The following PINK1 variants were observed in gnomAD, a reference collection of about 807,000 sequenced individuals.
PINK1 encodes the protein PTEN induced kinase 1.
Under a neutral mutation model 56.0 loss-of-function variants are expected in PINK1, and 58 were observed. That is an observed-to-expected ratio of 1.04 (90% CI 0.84 to 1.29). The LOEUF is 1.29. Ranked by LOEUF, PINK1 falls within the 50% of genes most tolerant of loss-of-function variation. PINK1 has a pLI of 0.00. For synonymous variants in PINK1, 354 were observed against 339.3 expected, an observed-to-expected ratio of 1.04 and a Z score of -0.48; for missense variants, 745 against 777.9, an observed-to-expected ratio of 0.96 and a Z score of 0.50.
chr1:20,634,009 GC>G, intron 1 of PINK1, 74 bp downstream of exon 1: 9 of 1,487,988 alleles, frequency 6.0e-6, no homozygotes, highest in Admixed American at 4.0e-5. Context: ...CTGGGTGGGG[GC>G]GGGGCTAGGT....
chr1:20,633,825 G>T lies in PINK1; in HGVS notation c.277G>T (p.Ala93Ser). The T allele has an allele frequency of 1.3e-6, 2 of 1,576,602 alleles. No homozygotes were observed. The highest frequency in any genetic ancestry group is 2.3e-5 in the South Asian group (2 of 86,810). Reference protein sequence around the residue: ...RQFVVRAWGCAGPCGRAVFLA... With the variant: ...RQFVVRAWGCSGPCGRAVFLA... Reference sequence around the variant, plus strand: ...GTTCGTGGTGCGGGCCTGGGGCTGCGCGGGCCCTTGCGGCCGGGCAGTCTT... The same window carrying T: ...GTTCGTGGTGCGGGCCTGGGGCTGCTCGGGCCCTTGCGGCCGGGCAGTCTT... Residue 93 changes from alanine to serine, a missense_variant, in exon 1 of 8, where the codon GCG becomes TCG. Transcript: ENST00000321556.
At position 20,649,055 on chromosome 1, in the gene PINK1, G is replaced by T; in HGVS notation, c.1312G>T (p.Ala438Ser). 6.2e-7 allele frequency: 1 copy of T among 1,614,182 alleles called. No homozygotes were observed. Among genetic ancestry groups the T allele is most frequent in the Non-Finnish European group, 8.5e-7 (1 of 1,180,046 alleles). Reference protein sequence around the residue: ...VIDYSKADAWAVGAIAYEIFG... With the variant: ...VIDYSKADAWSVGAIAYEIFG... ...TGACTACAGCAAGGCTGATGCCTGG[G>T]CAGTGGGAGCCATCGCCTATGAAAT... is the stretch of plus-strand genomic sequence containing the variant. The change falls in exon 7 of 8, where the codon GCA (alanine) becomes TCA (serine). Residue 438 changes from alanine to serine, a missense_variant. By Grantham distance (99) the Ala-to-Ser change is moderately conservative. Coordinates refer to ENST00000321556, the MANE Select transcript of PINK1 (RefSeq NM_032409.3).
intron 3 of PINK1, 52 bp downstream of exon 3, chr1:20,640,044 C>A (rs1343023146): frequency 6.9e-7 from 1 of 1,442,912 alleles, no homozygotes; most frequent in Non-Finnish European, 9.5e-7. Context: ...AGAGCAACTT[C>A]ATCCATCACT....
intron 3 of PINK1, among the ~76,000 whole-genome samples, chr1:20,640,402 A>G (rs1038440335): frequency 1.3e-5 from 2 of 151,968 alleles, no homozygotes; most frequent in African/African-American, 4.8e-5. Context: ...GATTTTAAAA[A>G]AAACAAAAAG....
At chr1:20,648,385 A>G (rs1194584367) in intron 5 of PINK1, 120 bp from the exon 6 acceptor site, 4 of 1,481,918 alleles carry the variant, frequency 2.7e-6, no homozygotes, top group Non-Finnish European at 3.7e-6. Context: ...CTCCTGGGCC[A>G]ACACTGAGCC....
In PINK1 at chr1:20,641,285, C is replaced by T. The variant is rs1294615137; in HGVS notation, c.776+1293C>T. 6.6e-6 allele frequency among the ~76,000 whole-genome samples: 1 copy of T among 152,068 alleles called. No individual in the cohort carries two copies. The highest frequency in any genetic ancestry group is 6.6e-5 in the Admixed American group (1 of 15,258). On this transcript the variant is annotated intron_variant, in intron 3 of 7. Coordinates refer to ENST00000321556, the MANE Select transcript of PINK1 (RefSeq NM_032409.3). The surrounding 1 kb of genome is among the most constrained non-coding windows in gnomAD (Gnocchi z 4.0). ...CTGAGGCCTTTTTGGAGAAAGTGGA[C>T]ACCTGAATGTCAGCTGCTTTGGGGC...
At chr1:20,645,277 T>C (rs1254948878) in intron 4 of PINK1, among the ~76,000 whole-genome samples, 1 of 151,974 alleles carries the variant, frequency 6.6e-6, no homozygotes, top group Non-Finnish European at 1.5e-5. Flanking sequence ...TCACTTGAGG[T>C]CAGGAGTTTG....
intron 7 of PINK1, chr1:20,650,156 G>A (rs942586302): frequency 1.9e-6 from 1 of 517,310 alleles, no homozygotes; most frequent in Admixed American, 3.2e-5. Context: ...CAAGGGACCA[G>A]ATAGCTGTGC....
intron 3 of PINK1, 65 bp downstream of exon 3, chr1:20,640,057 T>C (rs1301942029): frequency 3.8e-6 from 5 of 1,309,534 alleles, no homozygotes; most frequent in Non-Finnish European, 4.3e-6. Flanking sequence ...CCATCACTTA[T>C]GTCCTCAGCA....
At chr1:20,643,438 A>G (rs1416600301) in intron 3 of PINK1, among the ~76,000 whole-genome samples, 2 of 152,244 alleles carry the variant, frequency 1.3e-5, no homozygotes, top group Admixed American at 6.5e-5. Context: ...TTATTCAACA[A>G]AGGTTTATTA....
intron 1 of PINK1, 104 bp downstream of exon 1, chr1:20,634,039 G>C (rs1202150202): frequency 2.8e-5 from 39 of 1,389,128 alleles, no homozygotes; most frequent in Non-Finnish European, 3.7e-5. Context: ...GGGGCTCTGA[G>C]CAGATCGAGG....
chr1:20,650,908 G>T lies in PINK1; in HGVS notation c.*217G>T. ...CATCTGAAAAGTGAATGGCCAAGCT[G>T]GTCTAGTAGATGAGGCTGGACTGAG... On this transcript the variant is annotated 3_prime_UTR_variant, in exon 8 of 8. Transcript: ENST00000321556. The T allele has an allele frequency of 1.6e-6, 1 of 630,832 alleles. No individual in the cohort carries two copies. The highest frequency in any genetic ancestry group is 2.8e-6 in the Non-Finnish European group (1 of 361,930). 39.1% of individuals were successfully genotyped at this position (630,832 alleles called of 1,614,324 possible). A position where few individuals can be genotyped will look rare whatever the true frequency, so the allele number is the denominator to read the frequency against.
At chr1:20,643,843 A>C (rs2053143064) in intron 3 of PINK1, among the ~76,000 whole-genome samples, 1 of 152,154 alleles carries the variant, frequency 6.6e-6, no homozygotes, top group Non-Finnish European at 1.5e-5. Flanking sequence ...GACACATTCC[A>C]AGATAGATCC....
chr1:20,633,879 A>G lies in PINK1; in HGVS notation c.331A>G (p.Ile111Val). 3.8e-6 allele frequency: 6 copies of G among 1,581,980 alleles called. No homozygotes were observed. The highest frequency in any genetic ancestry group is 5.1e-6 in the Non-Finnish European group (6 of 1,166,104). ...FLAFGLGLGL[I>V]EEKQAESRRA... Reference sequence around the variant, plus strand: ...GGCCTTCGGGCTAGGGCTGGGCCTCATCGAGGAAAAACAGGCGGAGAGCCG... The same window carrying G: ...GGCCTTCGGGCTAGGGCTGGGCCTCGTCGAGGAAAAACAGGCGGAGAGCCG... The change falls in exon 1 of 8, where the codon ATC (isoleucine) becomes GTC (valine). Residue 111 changes from isoleucine (I) to valine (V), a missense_variant. Ile to Val is a conservative substitution (Grantham distance 29). Coordinates refer to ENST00000321556, the MANE Select transcript of PINK1 (RefSeq NM_032409.3).
chr1:20,633,614 G>C lies in PINK1; in HGVS notation c.66G>C (p.Thr22=). ...GTCGAGCGCTGCTGCTGCGCTTCAC[G>C]GGCAAGCCCGGCCGGGCCTACGGCT... ...QLGRALLLRF[T]GKPGRAYGLG... The change falls in exon 1 of 8, where the codon ACG becomes ACC. Residue 22 remains threonine (T), a synonymous_variant. Coordinates refer to ENST00000321556, the MANE Select transcript of PINK1 (RefSeq NM_032409.3). 2.3e-6 allele frequency: 3 copies of C among 1,285,036 alleles called. No homozygotes were observed. The highest frequency in any genetic ancestry group is 2.9e-6 in the Non-Finnish European group (3 of 1,022,656). 79.6% of individuals were successfully genotyped at this position (1,285,036 alleles called of 1,614,324 possible). A position where few individuals can be genotyped will look rare whatever the true frequency, so the allele number is the denominator to read the frequency against.
At chr1:20,643,900 C>G (rs2053143701) in intron 3 of PINK1, among the ~76,000 whole-genome samples, 1 of 152,104 alleles carries the variant, frequency 6.6e-6, no homozygotes, top group African/African-American at 2.4e-5. Context: ...CCTATATATA[C>G]TGTGTTTTTT....
In PINK1 at chr1:20,649,168, C is replaced by T. The variant is rs150183401; in HGVS notation, c.1425C>T (p.Pro475=). ...SYQEAQLPAL[P]ESVPPDVRQL... ...AAGAGGCTCAGCTACCTGCACTGCC[C>T]GAGTCAGTGCCTCCAGACGTGAGAC... Residue 475 remains proline (P), a synonymous_variant, in exon 7 of 8, where the codon CCC becomes CCT. Transcript: ENST00000321556. 14 of 1,614,084 alleles carry T rather than the reference C, an allele frequency of 8.7e-6. No individual in the cohort carries two copies. Among genetic ancestry groups the T allele is most frequent in the Middle Eastern group, 1.6e-4 (1 of 6,080 alleles).
intron 4 of PINK1, 121 bp downstream of exon 4, chr1:20,644,793 A>G: frequency 7.6e-7 from 1 of 1,308,622 alleles, no homozygotes; most frequent in Non-Finnish European, 1.0e-6. Flanking sequence ...ACCCTTCCGG[A>G]GAAGAAAGCC....
chr1:20,635,122 A>C (rs189197434), intron 1 of PINK1, among the ~76,000 whole-genome samples: 1 of 152,310 alleles, frequency 6.6e-6, no homozygotes, highest in East Asian at 1.9e-4. Flanking sequence ...GATCCTCCTA[A>C]ACTTACCATT....
Sources: gnomAD v4.1 joint callset for allele counts (sites outside exome capture counted in the v4.1 genomes callset) on GRCh38, gnomAD v4.1.1 for gene constraint, Gnocchi (gnomAD v3.1) non-coding constraint, MANE v1.5 for transcripts, NCBI Gene and HGNC (gene_info 2026-07-23, HGNC 2026-07-21) for gene names.